Variants in LIPA observed in about 807,000 individuals in gnomAD.
LIPA encodes lysosomal acid lipase/cholesteryl ester hydrolase.
In LIPA, 26 loss-of-function variants were observed where a neutral mutation model predicts 40.6. That is an observed-to-expected ratio of 0.64 (90% CI 0.47 to 0.89). The LOEUF is 0.89. Among genes scored for constraint, LIPA ranks in the 40% least tolerant of loss-of-function variants. The pLI, the probability that LIPA is intolerant of heterozygous loss-of-function variation, is 0.00. For synonymous variants in LIPA, 188 were observed against 168.4 expected (o/e 1.12, Z -0.90); for missense variants, 455 against 479.6 (o/e 0.95, Z 0.48).
intron 1 of LIPA, chr10:89,314,518 A>T (rs894893950): frequency 6.6e-6 from 1 of 152,338 alleles, no homozygotes; most frequent in South Asian, 2.1e-4. Context: ...AAATACAAAA[A>T]TTAGGTGGGT....
chr10:89,260,345 T>G (rs1203895909), intron 1 of LIPA, among the ~76,000 whole-genome samples: 13 of 152,232 alleles, frequency 8.5e-5, no homozygotes. Context: ...GGGTTGCAGA[T>G]TCCGAGCTGA....
At chr10:89,302,255 C>T in intron 1 of LIPA, 1 of 957,988 alleles carries the variant, frequency 1.0e-6, no homozygotes, top group Non-Finnish European at 1.7e-6. Flanking sequence ...TACTATGCCT[C>T]TACCTCTGTT....
intron 5 of LIPA, among the ~76,000 whole-genome samples, chr10:89,225,567 T>A (rs1031032596): frequency 6.6e-6 from 1 of 152,176 alleles, no homozygotes; most frequent in African/African-American, 2.4e-5. Flanking sequence ...CCTCACCCCA[T>A]CACCTTTATC....
At chr10:89,412,881 G>A (rs1841485729) in exon 2 of LIPA, 2 of 275,698 alleles carry the variant, frequency 7.3e-6, no homozygotes, top group South Asian at 2.9e-5. Flanking sequence ...CACAGCGAGA[G>A]TCCGCAGCTT....
At chr10:89,261,677 C>T (rs183614571) in intron 1 of LIPA, among the ~76,000 whole-genome samples, 1 of 152,294 alleles carries the variant, frequency 6.6e-6, no homozygotes, top group African/African-American at 2.4e-5. Flanking sequence ...TCAAGTCCAG[C>T]CCCCTCTCAG....
intron 1 of LIPA, among the ~76,000 whole-genome samples, chr10:89,297,802 C>G (rs1843423714): frequency 6.6e-6 from 1 of 152,212 alleles, no homozygotes; most frequent in Admixed American, 6.5e-5. Flanking sequence ...CCTCTACACA[C>G]TGCTGCAGGC....
intron 2 of LIPA, chr10:89,383,907 T>G: frequency 6.2e-7 from 1 of 1,614,186 alleles, no homozygotes; most frequent in East Asian, 2.2e-5. Context: ...CAGGGAGGAA[T>G]AAGGCATTTT....
intron 5 of LIPA, 71 bp from the exon 6 acceptor site, chr10:89,225,299 G>A: frequency 1.3e-6 from 2 of 1,593,422 alleles, no homozygotes; most frequent in East Asian, 2.2e-5. Flanking sequence ...CACAAAGGCC[G>A]TCACTCGCGA....
chr10:89,377,523 A>C (rs1370680283), intron 2 of LIPA, among the ~76,000 whole-genome samples: 1 of 152,208 alleles, frequency 6.6e-6, no homozygotes, highest in Non-Finnish European at 1.5e-5. Context: ...CTTCTTATAG[A>C]CCAATATCTC....
chr10:89,247,846 T>TTTTATTTTATTTATTTA lies in LIPA; in HGVS notation c.-1-198_-1-197insTAAATAAATAAAATAAA, dbSNP rs1554869398. ...TTTAAATTTTATTTATTTATTTTTA[T>TTTTATTTTATTTATTTA]TTTATTTATTTATTTATTTATTTAT... is the stretch of plus-strand genomic sequence containing the variant. On this transcript the variant is annotated intron_variant, in intron 1 of 9. Transcript: ENST00000336233. 561 of 164,320 alleles carry TTTTATTTTATTTATTTA rather than the reference T, an allele frequency of 3.4e-3. 2 individuals carry two copies. The highest frequency in any genetic ancestry group is 0.014 in the African/African-American group (544 of 38,984). The allele number at this position is 164,320 out of a possible 1,614,324, so 10.2% of individuals were successfully genotyped here. A position where few individuals can be genotyped will look rare whatever the true frequency, so the allele number is the denominator to read the frequency against.
intron 1 of LIPA, among the ~76,000 whole-genome samples, chr10:89,320,616 T>A (rs1374477732): frequency 3.3e-5 from 5 of 152,198 alleles, no homozygotes; most frequent in Admixed American, 2.0e-4. Context: ...ATAAGAAGAA[T>A]CAATATCGTG....
At chr10:89,301,464 T>C (rs1481040978) in intron 1 of LIPA, among the ~76,000 whole-genome samples, 1 of 152,206 alleles carries the variant, frequency 6.6e-6, no homozygotes, top group African/African-American at 2.4e-5. Context: ...TTTGTAAATG[T>C]GTCCTCCTAG....
At chr10:89,282,101 C>A (rs1843319116) in intron 1 of LIPA, among the ~76,000 whole-genome samples, 1 of 152,188 alleles carries the variant, frequency 6.6e-6, no homozygotes, top group African/African-American at 2.4e-5. Flanking sequence ...GTGACTTTCC[C>A]AGAACCTCAG....
At chr10:89,307,072 G>A in intron 1 of LIPA, 2 of 1,614,030 alleles carry the variant, frequency 1.2e-6, no homozygotes, top group Non-Finnish European at 1.7e-6. Context: ...CGAAACAACT[G>A]CTCCATCTGC....
At chr10:89,242,955 G>A (rs570955991) in intron 3 of LIPA, among the ~76,000 whole-genome samples, 1 of 152,270 alleles carries the variant, frequency 6.6e-6, no homozygotes, top group South Asian at 2.1e-4. Flanking sequence ...AGAAGAAAAA[G>A]ATGAACTGAA....
At chr10:89,237,670 A>G (rs1169010088) in intron 3 of LIPA, among the ~76,000 whole-genome samples, 1 of 152,232 alleles carries the variant, frequency 6.6e-6, no homozygotes, top group African/African-American at 2.4e-5. Flanking sequence ...TGGCTGTACA[A>G]TAAGAAGGAC....
intron 9 of LIPA, 111 bp downstream of exon 9, chr10:89,215,824 ACTC>A (rs1842618516): frequency 5.0e-6 from 4 of 793,130 alleles, no homozygotes; most frequent in Non-Finnish European, 9.3e-6. Context: ...ACACTAGTCA[ACTC>A]CTGCAAACAT....
At chr10:89,329,512 C>T (rs1226269663) in intron 1 of LIPA, among the ~76,000 whole-genome samples, 5 of 152,174 alleles carry the variant, frequency 3.3e-5, no homozygotes, top group Non-Finnish European at 5.9e-5. Flanking sequence ...TCAAGGTGCT[C>T]CTATTTCCAG....
intron 1 of LIPA, among the ~76,000 whole-genome samples, chr10:89,314,362 C>A (rs1171882217): frequency 6.6e-6 from 1 of 152,200 alleles, no homozygotes; most frequent in Non-Finnish European, 1.5e-5. Flanking sequence ...TGCATGTGTA[C>A]AAGTTTAAGA....
Sources: gnomAD v4.1 joint callset for allele counts (sites outside exome capture counted in the v4.1 genomes callset) on GRCh38, gnomAD v4.1.1 for gene constraint, MANE v1.5 for transcripts, NCBI Gene and HGNC (gene_info 2026-07-23, HGNC 2026-07-21) for gene names.